The following GGCT variants were observed in gnomAD, a reference collection of about 807,000 sequenced individuals.
GGCT encodes cytochrome c-releasing factor 21.
A neutral mutation model predicts 22.1 loss-of-function variants in GGCT; 20 were observed. The observed-to-expected ratio is 0.91, with a 90% CI of 0.64 to 1.32. The LOEUF (loss-of-function observed/expected upper bound fraction) is 1.32, where lower values mean the gene tolerates loss of function less well. Among genes scored for constraint, GGCT ranks in the 40% most tolerant of loss-of-function variants. GGCT has a pLI of 0.00. For missense variants in GGCT, 209 were observed against 223.5 expected (o/e 0.94, Z 0.41); for synonymous variants, 72 against 78.4 (o/e 0.92, Z 0.43).
intron 3 of GGCT, chr7:30,497,808 T>C: frequency 6.8e-7 from 1 of 1,463,302 alleles, no homozygotes; most frequent in Non-Finnish European, 9.1e-7. Context: ...TGAACAGGAA[T>C]TTTGGGGTCT....
At chr7:30,502,808 A>G (rs566917132) in intron 1 of GGCT, among the ~76,000 whole-genome samples, 1 of 152,332 alleles carries the variant, frequency 6.6e-6, no homozygotes, top group South Asian at 2.1e-4. Flanking sequence ...TCTTTGGCAT[A>G]AATTGCTGCA....
intron 1 of GGCT, among the ~76,000 whole-genome samples, chr7:30,504,340 G>A (rs1227488134): frequency 6.6e-6 from 1 of 152,274 alleles, no homozygotes; most frequent in Non-Finnish European, 1.5e-5. Flanking sequence ...CCGGTGCAAA[G>A]GCCAGGAGGG....
At chr7:30,498,357 A>G (rs1358071843) in intron 3 of GGCT, among the ~76,000 whole-genome samples, 2 of 152,050 alleles carry the variant, frequency 1.3e-5, no homozygotes, top group African/African-American at 4.8e-5. Flanking sequence ...TCATTTTTAT[A>G]TTTAAAAACA....
At chr7:30,502,253 T>G (rs1273764209) in intron 1 of GGCT, among the ~76,000 whole-genome samples, 1 of 152,220 alleles carries the variant, frequency 6.6e-6, no homozygotes, top group East Asian at 1.9e-4. Flanking sequence ...GTTTTTGTTT[T>G]TGTTTTAGCT....
At chr7:30,502,461 G>T (rs1297578590) in intron 1 of GGCT, among the ~76,000 whole-genome samples, 1 of 152,166 alleles carries the variant, frequency 6.6e-6, no homozygotes, top group Non-Finnish European at 1.5e-5. Context: ...ACCCAGACCA[G>T]ATCTCTCTTC....
In GGCT at chr7:30,504,819, A is replaced by C; in HGVS notation, c.-110T>G. The C allele has an allele frequency of 1.8e-6, 2 of 1,127,058 alleles. No individual in the cohort carries two copies. The highest frequency in any genetic ancestry group is 2.4e-5 in the East Asian group (1 of 42,422). 69.8% of individuals were successfully genotyped at this position (1,127,058 alleles called of 1,614,324 possible). ...GCAGTGACCGCCGCGCGGCAGCCTC[A>C]GGGTTAGGGGACTGGCGGGAAGCGT... On this transcript the variant is annotated 5_prime_UTR_variant, in exon 1 of 4. Coordinates refer to ENST00000275428, the MANE Select transcript of GGCT (RefSeq NM_024051.4).
intron 1 of GGCT, among the ~76,000 whole-genome samples, chr7:30,501,387 A>G (rs879608476): frequency 3.9e-5 from 6 of 152,190 alleles, no homozygotes; most frequent in African/African-American, 1.2e-4. Context: ...CATTTTGTAC[A>G]CAGTGCTATT....
chr7:30,504,732 G>T lies in GGCT; in HGVS notation c.-23C>A, dbSNP rs771398567. On this transcript the variant is annotated 5_prime_UTR_variant, in exon 1 of 4. Transcript: ENST00000275428. ...CATATCCCACTACGCCCCTGCACTG[G>T]AGCCTGAAGCAGAGTGTAAGGAACG... 5.6e-6 allele frequency: 9 copies of T among 1,612,972 alleles called. No homozygotes were observed. Among genetic ancestry groups the T allele is most frequent in the South Asian group, 1.1e-5 (1 of 91,066 alleles).
rs1789553861 is a variant in GGCT at position 30,497,001 on chromosome 7, A to C, written c.*91T>G. Reference sequence around the variant, plus strand: ...TTCAGAGCACTGCTGAAAATGGATCAAACGTGGAGATCCCCCAGATCCCTG... The same window carrying C: ...TTCAGAGCACTGCTGAAAATGGATCCAACGTGGAGATCCCCCAGATCCCTG... On this transcript the variant is annotated 3_prime_UTR_variant, in exon 4 of 4. Transcript: ENST00000275428. 1.2e-6 allele frequency: 1 copy of C among 808,612 alleles called. No individual in the cohort carries two copies. The highest frequency in any genetic ancestry group is 1.8e-5 in the African/African-American group (1 of 56,440). 50.1% of individuals were successfully genotyped at this position (808,612 alleles called of 1,614,324 possible). A position where few individuals can be genotyped will look rare whatever the true frequency, so the allele number is the denominator to read the frequency against.
intron 2 of GGCT, chr7:30,499,166 C>A: frequency 2.1e-6 from 1 of 487,092 alleles, no homozygotes; most frequent in Non-Finnish European, 3.8e-6. Flanking sequence ...AATCCCAGCA[C>A]TTTGGGAGGC....
At chr7:30,503,362 G>A (rs1362808508) in intron 1 of GGCT, among the ~76,000 whole-genome samples, 1 of 152,206 alleles carries the variant, frequency 6.6e-6, no homozygotes, top group African/African-American at 2.4e-5. Flanking sequence ...GGGAGTATCA[G>A]AGCCTGACTC....
intron 1 of GGCT, 129 bp downstream of exon 1, chr7:30,504,440 G>T (rs1789778891): frequency 1.8e-6 from 2 of 1,101,688 alleles, no homozygotes; most frequent in East Asian, 2.5e-5. Context: ...CCCAGGAGGC[G>T]GAAGCCGCGT....
At chr7:30,504,005 T>C (rs988958825) in intron 1 of GGCT, among the ~76,000 whole-genome samples, 1 of 152,114 alleles carries the variant, frequency 6.6e-6, no homozygotes, top group African/African-American at 2.4e-5. Context: ...CGGAAGAATA[T>C]GTACTAAATG....
At chr7:30,498,748 A>G in intron 3 of GGCT, 55 bp downstream of exon 3, 1 of 1,457,526 alleles carries the variant, frequency 6.9e-7, no homozygotes, top group Non-Finnish European at 9.5e-7. Context: ...TATATTCTTT[A>G]GTTTCTCTCA....
At chr7:30,501,046 C>T (rs1328882107) in intron 1 of GGCT, among the ~76,000 whole-genome samples, 1 of 152,152 alleles carries the variant, frequency 6.6e-6, no homozygotes, top group African/African-American at 2.4e-5. Flanking sequence ...TACTTAGAGA[C>T]AAGCTGGGTG....
Position 30,496,919 on chromosome 7 carries a change from C to T in GGCT, c.*173G>A. ...ACACCCCTTTTAAATTGTCTAACTCCTATCCCAGTTTCTTTTTATAGTCTA... is the reference window on the plus strand; with the variant it reads ...ACACCCCTTTTAAATTGTCTAACTCTTATCCCAGTTTCTTTTTATAGTCTA... On this transcript the variant is annotated 3_prime_UTR_variant, in exon 4 of 4. Transcript: ENST00000275428. 2.2e-6 allele frequency: 1 copy of T among 455,292 alleles called. No individual in the cohort carries two copies. Among genetic ancestry groups the T allele is most frequent in the Non-Finnish European group, 3.8e-6 (1 of 260,214 alleles). 28.2% of individuals were successfully genotyped at this position (455,292 alleles called of 1,614,324 possible).
rs1163214830 is a variant in GGCT, at chr7:30,504,674, T to G, written c.36A>C (p.Pro12=). 3 of 1,614,086 alleles carry G rather than the reference T, an allele frequency of 1.9e-6. No individual in the cohort carries two copies. Residue 12 remains proline (P), a synonymous_variant, in exon 1 of 4, where the codon CCA becomes CCC. Coordinates refer to ENST00000275428, the MANE Select transcript of GGCT (RefSeq NM_024051.4). ...ANSGCKDVTG[P]DEESFLYFAY... is the part of the protein sequence containing the mutation. ...CAAAGTACAGAAAACTCTCCTCATC[T>G]GGACCCGTGACGTCCTTGCAGCCCG...
intron 1 of GGCT, among the ~76,000 whole-genome samples, chr7:30,502,960 G>A (rs1360505828): frequency 6.6e-6 from 1 of 152,128 alleles, no homozygotes; most frequent in African/African-American, 2.4e-5. Flanking sequence ...CTGTGGTCCT[G>A]GAAGATGTGG....
rs1408906130 is a variant in GGCT, at chr7:30,498,694, C to T, written c.423+109G>A. 4 of 951,072 alleles carry T rather than the reference C, an allele frequency of 4.2e-6. No individual in the cohort carries two copies. The Admixed American group carries it at 6.7e-5, about 16-fold the overall frequency. 58.9% of individuals were successfully genotyped at this position (951,072 alleles called of 1,614,324 possible). A position where few individuals can be genotyped will look rare whatever the true frequency, so the allele number is the denominator to read the frequency against. On this transcript the variant is annotated intron_variant, in intron 3 of 3. Coordinates refer to ENST00000275428, the MANE Select transcript of GGCT (RefSeq NM_024051.4). ...CCAGCCTTCCAAAGTGGTGGCATTA[C>T]AGGCATGAGCCACCACGTTGGGCCT...
Sources: allele counts gnomAD v4.1 joint callset (sites outside exome capture counted in the v4.1 genomes callset), GRCh38; gene constraint gnomAD v4.1.1; transcripts MANE v1.5; gene names NCBI Gene and HGNC (gene_info 2026-07-23, HGNC 2026-07-21).